Variants in MAOA observed in about 807,000 individuals in gnomAD.
MAOA encodes the protein monoamine oxidase A.
In MAOA, 6 loss-of-function variants were observed where a neutral mutation model predicts 42.0. The observed-to-expected ratio is 0.14, with a 90% CI of 0.08 to 0.28. The LOEUF (loss-of-function observed/expected upper bound fraction) is 0.28. MAOA is among the 10% of genes least tolerant of loss of function. MAOA has a pLI of 1.00. For synonymous variants in MAOA, 140 were observed against 154.0 expected (o/e 0.91, Z 0.67); for missense variants, 262 against 422.3 (o/e 0.62, Z 3.33).
intron 3 of MAOA, among the ~76,000 whole-genome samples, chrX:43,694,253 A>C (rs1259248927): frequency 9.0e-6 from 1 of 111,475 alleles, no homozygotes; most frequent in Non-Finnish European, 1.9e-5. Context: ...ATTTCTCAAC[A>C]AATACATCCC....
intron 1 of MAOA, among the ~76,000 whole-genome samples, chrX:43,664,031 G>A (rs1009689048): frequency 3.6e-5 from 4 of 112,267 alleles, no homozygotes; most frequent in African/African-American, 1.3e-4. Context: ...AACCTCTTCT[G>A]CGTCACTGTC....
At chrX:43,709,885 A>G (rs1265138272) in intron 3 of MAOA, among the ~76,000 whole-genome samples, 1 of 112,276 alleles carries the variant, frequency 8.9e-6, no homozygotes, top group African/African-American at 3.2e-5. Context: ...TTAGAAACAG[A>G]AAAGGTACAT....
intron 5 of MAOA, among the ~76,000 whole-genome samples, chrX:43,721,341 A>G (rs1296552276): frequency 8.9e-6 from 1 of 111,773 alleles, no homozygotes; most frequent in Non-Finnish European, 1.9e-5. Context: ...GACAAGAGCA[A>G]GTGGTATAAG....
intron 5 of MAOA, among the ~76,000 whole-genome samples, chrX:43,713,080 T>A (rs2033712000): frequency 8.9e-6 from 1 of 112,299 alleles, no homozygotes; most frequent in Non-Finnish European, 1.9e-5. Context: ...ATTGAAAGGT[T>A]GCCTACAAAA....
chrX:43,675,836 T>C (rs2033390111), intron 1 of MAOA, among the ~76,000 whole-genome samples: 1 of 111,745 alleles, frequency 8.9e-6, no homozygotes, highest in Non-Finnish European at 1.9e-5. Flanking sequence ...CCTTGTGAGG[T>C]GTCAGTCTGC....
intron 5 of MAOA, among the ~76,000 whole-genome samples, chrX:43,715,210 C>T (rs2033733010): frequency 9.1e-6 from 1 of 109,332 alleles, no homozygotes; most frequent in Non-Finnish European, 1.9e-5. Flanking sequence ...TGGTATCTTC[C>T]AGGAATGAGC....
chrX:43,695,865 G>C (rs997639669), intron 3 of MAOA, among the ~76,000 whole-genome samples: 1 of 112,445 alleles, frequency 8.9e-6, no homozygotes, highest in African/African-American at 3.2e-5. Flanking sequence ...GAGTTAAAAT[G>C]ATAAAGTTCT....
At chrX:43,656,455 A>G (rs2033180387) in intron 1 of MAOA, 41 bp downstream of exon 1, 6 of 1,115,566 alleles carry the variant, frequency 5.4e-6, no homozygotes, top group Non-Finnish European at 7.4e-6. Context: ...GACCCTGGCC[A>G]GTGAGGGGTA....
chrX:43,664,752 G>A (rs1055402536), intron 1 of MAOA, among the ~76,000 whole-genome samples: 1 of 111,530 alleles, frequency 9.0e-6, no homozygotes, highest in African/African-American at 3.3e-5. Flanking sequence ...AATTTGTGGG[G>A]TTTGCTCTCG....
In MAOA at chrX:43,712,296, T is replaced by TTGTC. The variant is rs749802294; in HGVS notation, c.411+332_411+335dup. Reference sequence around the variant, plus strand: ...TTTTGCCAAGTATCTCTACTTACAGTTGTCTGTCTGTCTGTAATGCCATTT... The same window carrying TTGTC: ...TTTTGCCAAGTATCTCTACTTACAGTTGTCTGTCTGTCTGTCTGTAATGCCATTT... On this transcript the variant is annotated intron_variant, in intron 4 of 14. Transcript: ENST00000338702. 1.4e-4 allele frequency among the ~76,000 whole-genome samples: 16 copies of TTGTC among 111,514 alleles called. No individual in the cohort carries two copies. In the South Asian group the frequency reaches 6.1e-3, roughly 42 times the overall value.
intron 3 of MAOA, among the ~76,000 whole-genome samples, chrX:43,709,403 A>G (rs1398370759): frequency 9.0e-6 from 1 of 110,684 alleles, no homozygotes; most frequent in Non-Finnish European, 1.9e-5. Flanking sequence ...CAGACTATTG[A>G]GAATATTTAT....
chrX:43,675,264 G>A (rs1319626697), intron 1 of MAOA, among the ~76,000 whole-genome samples: 2 of 111,869 alleles, frequency 1.8e-5, no homozygotes, highest in Admixed American at 1.9e-4. Context: ...TCTTCACGTA[G>A]TTCTCGAGCC....
rs368236433 is a variant in MAOA, at chrX:43,711,882, A to T, written c.317A>T (p.Tyr106Phe). Residue 106 changes from tyrosine (Y) to phenylalanine (F), a missense_variant, in exon 4 of 15, where the codon TAT becomes TTT. Physicochemically the swap from Tyr to Phe is conservative, Grantham distance 22. This residue lies in a region of MAOA where 141 missense variants were observed against 195.6 expected (regional missense o/e 0.72). Coordinates refer to ENST00000338702, the MANE Select transcript of MAOA (RefSeq NM_000240.4). ...RLVQYVKGKT[Y>F]PFRGAFPPVW... ...GCTTTTATGTTCTAGGGGAAAACAT[A>T]TCCATTTCGGGGCGCCTTTCCACCA... 1.7e-6 allele frequency: 2 copies of T among 1,193,160 alleles called. No homozygotes were observed. The highest frequency in any genetic ancestry group is 2.3e-6 in the Non-Finnish European group (2 of 880,220).
chrX:43,722,198 A>G (rs745525357), intron 5 of MAOA, among the ~76,000 whole-genome samples: 24 of 112,284 alleles, frequency 2.1e-4, no homozygotes, highest in African/African-American at 7.8e-4. Context: ...TTCTTTGGGT[A>G]TATACCCAGT....
chrX:43,670,193 T>C (rs1005621520), intron 1 of MAOA, among the ~76,000 whole-genome samples: 3 of 112,254 alleles, frequency 2.7e-5, no homozygotes, highest in African/African-American at 9.7e-5. Flanking sequence ...AGAAACTTTC[T>C]TAAGATTATC....
chrX:43,734,697 A>G (rs2033907699), intron 9 of MAOA, among the ~76,000 whole-genome samples: 1 of 112,019 alleles, frequency 8.9e-6, no homozygotes, highest in Non-Finnish European at 1.9e-5. Flanking sequence ...ACACAAAGCC[A>G]GCATGTTTAA....
At chrX:43,721,796 C>T (rs1321010530) in intron 5 of MAOA, among the ~76,000 whole-genome samples, 3 of 109,879 alleles carry the variant, frequency 2.7e-5, no homozygotes, top group Non-Finnish European at 3.8e-5. Context: ...CCCATCAACT[C>T]GTCATTTACA....
At chrX:43,744,228 C>T in intron 14 of MAOA, 57 bp downstream of exon 14, 1 of 1,134,438 alleles carries the variant, frequency 8.8e-7, no homozygotes, top group Non-Finnish European at 1.2e-6. Context: ...GAACATAAAA[C>T]TCACATCTCC....
intron 1 of MAOA, among the ~76,000 whole-genome samples, chrX:43,665,356 G>A (rs1341475836): frequency 9.0e-6 from 1 of 111,125 alleles, no homozygotes; most frequent in Non-Finnish European, 1.9e-5. Flanking sequence ...ACAGTATATG[G>A]TGTCTCAACT....
Sources: gnomAD v4.1 joint callset for allele counts (sites outside exome capture counted in the v4.1 genomes callset) on GRCh38, gnomAD v4.1.1 for gene constraint, gnomAD v4.1.1 regional missense constraint, MANE v1.5 for transcripts, NCBI Gene and HGNC (gene_info 2026-07-23, HGNC 2026-07-21) for gene names.